KCNIP1: variants seen among roughly 807,000 people sequenced by gnomAD.
KCNIP1 encodes potassium voltage-gated channel interacting protein 1.
KCNIP1 carries 18 observed loss-of-function variants against 33.0 expected under a neutral mutation model. That is an observed-to-expected ratio of 0.55 (90% CI 0.38 to 0.81). The LOEUF (loss-of-function observed/expected upper bound fraction) is 0.81. KCNIP1 is among the 30% of genes least tolerant of loss of function. The pLI is 0.00. For synonymous variants in KCNIP1, 93 were observed against 98.3 expected, an observed-to-expected ratio of 0.95 and a Z score of 0.32; for missense variants, 238 against 271.6, an observed-to-expected ratio of 0.88 and a Z score of 0.87.
intron 1 of KCNIP1, among the ~76,000 whole-genome samples, chr5:170,367,259 A>T (rs932715246): frequency 2.0e-5 from 3 of 151,778 alleles, no homozygotes; most frequent in Non-Finnish European, 2.9e-5. Flanking sequence ...GGTTGCAGTG[A>T]GCCACAATCA....
intron 1 of KCNIP1, among the ~76,000 whole-genome samples, chr5:170,538,833 T>A (rs1473692877): frequency 2.0e-5 from 3 of 151,448 alleles, no homozygotes; most frequent in Admixed American, 6.6e-5. Flanking sequence ...AAGGCCTGTG[T>A]GCCTGCAGTC....
intron 1 of KCNIP1, chr5:170,642,026 A>G (rs886327199): frequency 6.6e-6 from 1 of 152,246 alleles, no homozygotes; most frequent in African/African-American, 2.4e-5. Flanking sequence ...GGTTTCAGCC[A>G]GCGGGAACCA....
At chr5:170,400,622 C>G (rs923946811) in intron 1 of KCNIP1, among the ~76,000 whole-genome samples, 1 of 152,204 alleles carries the variant, frequency 6.6e-6, no homozygotes, top group Non-Finnish European at 1.5e-5. Flanking sequence ...AAGAACTGTG[C>G]TAAGTACTTG....
At chr5:170,589,782 GATGTGAT>G (rs1417895447) in intron 1 of KCNIP1, among the ~76,000 whole-genome samples, 107 of 140,632 alleles carry the variant, frequency 7.6e-4, no homozygotes, top group African/African-American at 2.6e-3. Flanking sequence ...GGTGTGGTGT[GATGTGAT>G]GTGGTGTGCG....
intron 1 of KCNIP1, among the ~76,000 whole-genome samples, chr5:170,370,950 G>A (rs554708410): frequency 6.6e-6 from 1 of 152,374 alleles, no homozygotes; most frequent in Non-Finnish European, 1.5e-5. Context: ...GATAGTAAAA[G>A]AGGACTCTGA....
At chr5:170,701,393 C>T (rs367831430) in intron 1 of KCNIP1, among the ~76,000 whole-genome samples, 44 of 152,294 alleles carry the variant, frequency 2.9e-4, no homozygotes, top group African/African-American at 9.9e-4. Context: ...GCTGGGAGTT[C>T]CAAGTCAGAG....
At chr5:170,635,479 C>T (rs1760245882) in intron 1 of KCNIP1, among the ~76,000 whole-genome samples, 1 of 152,208 alleles carries the variant, frequency 6.6e-6, no homozygotes, top group Non-Finnish European at 1.5e-5. Context: ...ACAGAACCAT[C>T]ACAACCTGAA....
rs184024035 is a variant in KCNIP1, at chr5:170,548,665, A to G, written c.61+44032A>G. ...ACAGACAGGTTTTCTGTGTTAGTTC[A>G]CTTCTCATTCACCTTTGTATTAAAG... On this transcript the variant is annotated intron_variant, in intron 1 of 7. Transcript: ENST00000328939. 5.9e-5 allele frequency among the ~76,000 whole-genome samples: 9 copies of G among 152,178 alleles called. 1 individual carries two copies. The highest frequency in any genetic ancestry group is 2.2e-4 in the African/African-American group (9 of 41,520).
chr5:170,630,416 C>T (rs1760012302), intron 1 of KCNIP1, among the ~76,000 whole-genome samples: 2 of 152,130 alleles, frequency 1.3e-5, no homozygotes, highest in South Asian at 4.2e-4. Flanking sequence ...CCAGGGTGGG[C>T]CAGGGAACCA....
chr5:170,524,771 A>G (rs973835611), intron 1 of KCNIP1, among the ~76,000 whole-genome samples: 7 of 152,030 alleles, frequency 4.6e-5, no homozygotes, highest in Non-Finnish European at 7.4e-5. Context: ...GAGGGACCTT[A>G]CCCATGGCCA....
intron 1 of KCNIP1, among the ~76,000 whole-genome samples, chr5:170,492,785 A>C (rs1462169941): frequency 7.0e-6 from 1 of 141,868 alleles, no homozygotes; most frequent in Non-Finnish European, 1.6e-5. Flanking sequence ...TTATTTTTTG[A>C]GACGGAGTCT....
intron 1 of KCNIP1, chr5:170,385,288 G>A (rs754692679): frequency 4.8e-5 from 78 of 1,613,518 alleles, no homozygotes; most frequent in Non-Finnish European, 6.4e-5. Flanking sequence ...GGGTTGGGGG[G>A]TGGGCAGGCC....
At chr5:170,523,612 G>C (rs1277271829) in intron 1 of KCNIP1, among the ~76,000 whole-genome samples, 3 of 152,040 alleles carry the variant, frequency 2.0e-5, no homozygotes, top group African/African-American at 7.2e-5. Context: ...TTACAGGAGG[G>C]GGTCCCCAGA....
At chr5:170,673,246 T>C (rs1211356211) in intron 1 of KCNIP1, among the ~76,000 whole-genome samples, 1 of 152,254 alleles carries the variant, frequency 6.6e-6, no homozygotes, top group African/African-American at 2.4e-5. Flanking sequence ...TTGACACAGT[T>C]AAAGTGAGAC....
At chr5:170,571,840 G>A (rs771931130) in intron 1 of KCNIP1, among the ~76,000 whole-genome samples, 3 of 152,096 alleles carry the variant, frequency 2.0e-5, no homozygotes, top group East Asian at 1.9e-4. Flanking sequence ...CTGGCCCTTC[G>A]CCTACAAAAT....
intron 1 of KCNIP1, among the ~76,000 whole-genome samples, chr5:170,390,525 T>A (rs1285107570): frequency 7.6e-4 from 88 of 115,806 alleles, no homozygotes; most frequent in Non-Finnish European, 6.8e-4. Context: ...CAAATATATA[T>A]ATATATATAT....
chr5:170,605,770 C>CT (rs766469605), intron 1 of KCNIP1, among the ~76,000 whole-genome samples: 13,548 of 102,350 alleles, frequency 0.13, 1,164 homozygotes, highest in Non-Finnish European at 0.18. Flanking sequence ...CAACCCTGTT[C>CT]TTTTTTTTTT....
At position 170,614,358 on chromosome 5, in the gene KCNIP1, T is replaced by TGA. The variant is rs537347117; in HGVS notation, c.62-104400_62-104399insGA. 1.9e-3 allele frequency among the ~76,000 whole-genome samples: 291 copies of TGA among 152,318 alleles called. 1 individual carries two copies. Among genetic ancestry groups the TGA allele is most frequent in the Non-Finnish European group, 2.5e-3 (168 of 68,030 alleles). On this transcript the variant is annotated intron_variant, in intron 1 of 7. Transcript: ENST00000328939. ...AGGGGCTATAATTCATGCAGTTTCT[T>TGA]ATCTGCCAGATGGCCAGGAGGACAC...
intron 1 of KCNIP1, among the ~76,000 whole-genome samples, chr5:170,410,281 G>A (rs1393051122): frequency 1.8e-5 from 2 of 112,122 alleles, no homozygotes; most frequent in African/African-American, 4.0e-5. Context: ...CACAGTGAAG[G>A]TGTACCAGGT....
Sources: allele counts gnomAD v4.1 joint callset (sites outside exome capture counted in the v4.1 genomes callset), GRCh38; gene constraint gnomAD v4.1.1; transcripts MANE v1.5; gene names NCBI Gene and HGNC (gene_info 2026-07-23, HGNC 2026-07-21).